Variants in RAMP1 observed in about 807,000 individuals in gnomAD.
RAMP1 encodes receptor activity-modifying protein 1.
RAMP1 carries 7 observed loss-of-function variants against 8.2 expected under a neutral mutation model. The ratio of observed to expected loss-of-function variants is 0.85; its 90% CI spans 0.49 to 1.60. The LOEUF is 1.60. Among genes scored for constraint, RAMP1 ranks in the 40% most tolerant of loss-of-function variants. The pLI is 0.00. For missense variants in RAMP1, 192 were observed against 202.4 expected (o/e 0.95, Z 0.31); for synonymous variants, 92 against 84.7 (o/e 1.09, Z -0.47).
rs2062334798 is a variant in RAMP1 at position 237,878,685 on chromosome 2, G to A, written c.191+1323G>A. On this transcript the variant is annotated intron_variant, in intron 2 of 2. Coordinates refer to ENST00000254661, the MANE Select transcript of RAMP1 (RefSeq NM_005855.4). This position sits in a 1 kb window ranked among gnomAD's most constrained non-coding sequence, Gnocchi z 5.7. ...TCTCTGCCCACTTCGTCCACCCCAG[G>A]GAACTCCCTCAGGCCCAGAGTCCGT... is the stretch of plus-strand genomic sequence containing the variant. 6.6e-6 allele frequency among the ~76,000 whole-genome samples: 1 copy of A among 152,236 alleles called. No homozygotes were observed. The highest frequency in any genetic ancestry group is 1.5e-5 in the Non-Finnish European group (1 of 68,032).
chr2:237,883,180 T>G (rs1370247811), intron 2 of RAMP1, among the ~76,000 whole-genome samples: 4 of 152,136 alleles, frequency 2.6e-5, no homozygotes, highest in Non-Finnish European at 5.9e-5. Flanking sequence ...ACATGCCTGC[T>G]GCCGCCCAAG....
chr2:237,874,783 G>A, intron 1 of RAMP1: 1 of 860,622 alleles, frequency 1.2e-6, no homozygotes, highest in Non-Finnish European at 1.4e-6. Context: ...GAGTCAGAAA[G>A]GAGTAGGAGA....
At chr2:237,898,717 G>A (rs751282838) in intron 2 of RAMP1, among the ~76,000 whole-genome samples, 2 of 152,256 alleles carry the variant, frequency 1.3e-5, no homozygotes, top group Admixed American at 6.5e-5. Context: ...ACACGCAGAC[G>A]TAGGTGGGAA....
intron 2 of RAMP1, among the ~76,000 whole-genome samples, chr2:237,882,802 G>T (rs975616502): frequency 1.4e-5 from 2 of 138,324 alleles, no homozygotes; most frequent in Non-Finnish European, 3.1e-5. Context: ...GGTGAGAGGC[G>T]CTAGGCTGCC....
At position 237,865,094 on chromosome 2, in the gene RAMP1, C is replaced by G. The variant is rs937542470; in HGVS notation, c.52+5367C>G. ...CCTCAGCTGTGGCCCCCAGCATGGG[C>G]AGGAGGCCAGGCAAGGATAGGAGTG... On this transcript the variant is annotated intron_variant, in intron 1 of 2. Transcript: ENST00000254661. The surrounding 1 kb of genome is among the most constrained non-coding windows in gnomAD (Gnocchi z 4.2). 2.0e-5 allele frequency among the ~76,000 whole-genome samples: 3 copies of G among 152,108 alleles called. No individual in the cohort carries two copies. The highest frequency in any genetic ancestry group is 7.2e-5 in the African/African-American group (3 of 41,428).
intron 2 of RAMP1, among the ~76,000 whole-genome samples, chr2:237,893,168 A>G (rs534481462): frequency 1.3e-5 from 2 of 152,316 alleles, no homozygotes; most frequent in African/African-American, 4.8e-5. Flanking sequence ...CCAAGGAGCA[A>G]CCTTGTTCTG....
At chr2:237,876,665 C>A (rs2062308442) in intron 1 of RAMP1, among the ~76,000 whole-genome samples, 1 of 152,178 alleles carries the variant, frequency 6.6e-6, no homozygotes, top group South Asian at 2.1e-4. Context: ...CCCCACCCAG[C>A]CAGCAGTGAG....
intron 2 of RAMP1, among the ~76,000 whole-genome samples, chr2:237,882,707 G>C (rs2062382996): frequency 6.6e-6 from 1 of 152,234 alleles, no homozygotes; most frequent in African/African-American, 2.4e-5. Flanking sequence ...AGCAGCGAGG[G>C]CCTGGGGTTC....
At position 237,886,565 on chromosome 2, in the gene RAMP1, G is replaced by T. The variant is rs929594093; in HGVS notation, c.191+9203G>T. Reference sequence around the variant, plus strand: ...GTGTTGGGGGAGCTTGGAGGCTGGGGCTGGAGCGGGCGACTGCTGGCCTCA... The same window carrying T: ...GTGTTGGGGGAGCTTGGAGGCTGGGTCTGGAGCGGGCGACTGCTGGCCTCA... On this transcript the variant is annotated intron_variant, in intron 2 of 2. Coordinates refer to ENST00000254661, the MANE Select transcript of RAMP1 (RefSeq NM_005855.4). 9.2e-5 allele frequency among the ~76,000 whole-genome samples: 14 copies of T among 152,118 alleles called. 1 individual carries two copies.
At chr2:237,880,449 C>G (rs192359562) in intron 2 of RAMP1, among the ~76,000 whole-genome samples, 1 of 152,332 alleles carries the variant, frequency 6.6e-6, no homozygotes, top group East Asian at 1.9e-4. Flanking sequence ...CCAAGGAACA[C>G]TGGTTCCTTT....
Position 237,877,978 on chromosome 2 carries a change from G to T in RAMP1, c.191+616G>T, listed in dbSNP as rs960023602. The T allele has an allele frequency of 2.0e-6, 2 of 985,334 alleles. No individual in the cohort carries two copies. Among genetic ancestry groups the T allele is most frequent in the Non-Finnish European group, 2.4e-6 (2 of 829,918 alleles). 61.0% of individuals were successfully genotyped at this position (985,334 alleles called of 1,614,324 possible). On this transcript the variant is annotated intron_variant, in intron 2 of 2. Transcript: ENST00000254661. This position sits in a 1 kb window ranked among gnomAD's most constrained non-coding sequence, Gnocchi z 4.4. ...CTGGGCCCCCATCAGCAGGCCGGGG[G>T]GTTCTCCCCAGCAGGCCCAGGCTCC...
Position 237,905,323 on chromosome 2 carries a change from C to T in RAMP1, c.192-6205C>T, listed in dbSNP as rs550818026. Among the ~76,000 whole-genome samples, 41 of 152,334 alleles carry T rather than the reference C, an allele frequency of 2.7e-4. No homozygotes were observed. The Middle Eastern group carries it at 0.01, about 38-fold the overall frequency. ...TCACAACATTTATTGAAAGTTTCAGCTGTCACTTCTGTATAAATAAACAGG... is the reference window on the plus strand; with the variant it reads ...TCACAACATTTATTGAAAGTTTCAGTTGTCACTTCTGTATAAATAAACAGG... On this transcript the variant is annotated intron_variant, in intron 2 of 2. Transcript: ENST00000254661.
At chr2:237,887,736 C>T (rs946762611) in intron 2 of RAMP1, among the ~76,000 whole-genome samples, 1 of 152,154 alleles carries the variant, frequency 6.6e-6, no homozygotes, top group Non-Finnish European at 1.5e-5. Flanking sequence ...CCCAGGAGTT[C>T]GAGACCAGCC....
At chr2:237,882,321 C>T (rs1222708551) in intron 2 of RAMP1, among the ~76,000 whole-genome samples, 2 of 152,224 alleles carry the variant, frequency 1.3e-5, no homozygotes, top group Non-Finnish European at 2.9e-5. Flanking sequence ...GAATGTTTAC[C>T]TAATTATCCC....
At chr2:237,869,660 C>T (rs956043803) in intron 1 of RAMP1, among the ~76,000 whole-genome samples, 2 of 152,244 alleles carry the variant, frequency 1.3e-5, no homozygotes, top group African/African-American at 4.8e-5. Context: ...TTTATCCATT[C>T]ATCCATGGAC....
chr2:237,888,280 C>T (rs981514671), intron 2 of RAMP1, among the ~76,000 whole-genome samples: 3 of 152,144 alleles, frequency 2.0e-5, no homozygotes, highest in African/African-American at 7.2e-5. Context: ...GTCTCAAACT[C>T]CTGATCTCAG....
chr2:237,904,693 T>C (rs182022115), intron 2 of RAMP1, among the ~76,000 whole-genome samples: 41 of 152,358 alleles, frequency 2.7e-4, no homozygotes, highest in African/African-American at 7.5e-4. Flanking sequence ...ACACATTGCC[T>C]GGTCACCTTT....
At chr2:237,859,805 G>C in intron 1 of RAMP1, 78 bp downstream of exon 1, 1 of 1,072,936 alleles carries the variant, frequency 9.3e-7, no homozygotes, top group South Asian at 2.5e-5. Flanking sequence ...GAGGGGAGCG[G>C]GTGGGAGCGG....
intron 1 of RAMP1, among the ~76,000 whole-genome samples, chr2:237,869,578 T>C (rs1186227731): frequency 6.6e-6 from 1 of 152,250 alleles, no homozygotes; most frequent in African/African-American, 2.4e-5. Flanking sequence ...TTCCATGTCG[T>C]AGTGTGAATC....
Sources: gnomAD v4.1 joint callset for allele counts (sites outside exome capture counted in the v4.1 genomes callset) on GRCh38, gnomAD v4.1.1 for gene constraint, Gnocchi (gnomAD v3.1) non-coding constraint, MANE v1.5 for transcripts, NCBI Gene and HGNC (gene_info 2026-07-23, HGNC 2026-07-21) for gene names.